SLC2A13: variants seen among roughly 807,000 people sequenced by gnomAD.
SLC2A13 encodes proton myo-inositol cotransporter.
A neutral mutation model predicts 64.4 loss-of-function variants in SLC2A13; 32 were observed. That is an observed-to-expected ratio of 0.50 (90% CI 0.37 to 0.67). The LOEUF (loss-of-function observed/expected upper bound fraction) is 0.67, where lower values mean the gene tolerates loss of function less well. SLC2A13 is among the 30% of genes least tolerant of loss of function. The pLI is 0.00. For missense variants in SLC2A13, 743 were observed against 829.2 expected (o/e 0.90, Z 1.28); for synonymous variants, 338 against 327.1 (o/e 1.03, Z -0.36).
At chr12:40,036,629 CTA>C (rs1947989781) in intron 2 of SLC2A13, among the ~76,000 whole-genome samples, 1 of 152,190 alleles carries the variant, frequency 6.6e-6, no homozygotes, top group African/African-American at 2.4e-5. Flanking sequence ...GTTGTTCCTT[CTA>C]TGTCACTGAT....
intron 3 of SLC2A13, among the ~76,000 whole-genome samples, chr12:39,980,485 C>G (rs1233838401): frequency 1.3e-5 from 2 of 151,246 alleles, no homozygotes; most frequent in Non-Finnish European, 2.9e-5. Context: ...GAAGATCTAC[C>G]AAGCAAATGG....
chr12:39,996,516 C>T (rs928406638), intron 3 of SLC2A13, among the ~76,000 whole-genome samples: 1 of 152,212 alleles, frequency 6.6e-6, no homozygotes, highest in African/African-American at 2.4e-5. Flanking sequence ...CAGAGCATGT[C>T]AGAGGTCTTC....
At chr12:39,772,744 C>T (rs959512183) in intron 7 of SLC2A13, among the ~76,000 whole-genome samples, 40 of 152,100 alleles carry the variant, frequency 2.6e-4, no homozygotes, top group Admixed American at 7.9e-4. Flanking sequence ...ATCACAGTTC[C>T]TAGGGTGATC....
intron 3 of SLC2A13, among the ~76,000 whole-genome samples, chr12:40,003,919 G>C (rs1472840545): frequency 6.6e-6 from 1 of 151,826 alleles, no homozygotes; most frequent in Non-Finnish European, 1.5e-5. Context: ...CTAGAACCCA[G>C]GAGGCAGAGG....
At chr12:40,040,095 A>T (rs1187379118) in intron 2 of SLC2A13, among the ~76,000 whole-genome samples, 1 of 152,202 alleles carries the variant, frequency 6.6e-6, no homozygotes, top group African/African-American at 2.4e-5. Flanking sequence ...AGGTGAGAGC[A>T]ATTTTTATTG....
At chr12:39,962,290 C>A (rs1386524854) in intron 3 of SLC2A13, among the ~76,000 whole-genome samples, 1 of 152,182 alleles carries the variant, frequency 6.6e-6, no homozygotes, top group East Asian at 1.9e-4. Flanking sequence ...AGGGTTTCAC[C>A]ATGTTGGCCA....
intron 7 of SLC2A13, among the ~76,000 whole-genome samples, chr12:39,813,289 C>A (rs539066938): frequency 2.0e-5 from 3 of 152,020 alleles, no homozygotes; most frequent in African/African-American, 7.2e-5. Context: ...TTTATTTTGA[C>A]ATACATCAAA....
chr12:39,920,253 A>G (rs1185594505), intron 4 of SLC2A13, among the ~76,000 whole-genome samples: 3 of 152,128 alleles, frequency 2.0e-5, no homozygotes, highest in Non-Finnish European at 1.5e-5. Context: ...TACCCTAAAT[A>G]TATGTGTGTA....
intron 5 of SLC2A13, among the ~76,000 whole-genome samples, chr12:39,870,903 G>A (rs1253644724): frequency 6.6e-6 from 1 of 152,154 alleles, no homozygotes; most frequent in African/African-American, 2.4e-5. Flanking sequence ...TGGGATGAGT[G>A]ACTGAAACAG....
At chr12:39,777,730 C>T (rs892116616) in intron 7 of SLC2A13, among the ~76,000 whole-genome samples, 56 of 152,328 alleles carry the variant, frequency 3.7e-4, no homozygotes, top group African/African-American at 1.3e-3. Flanking sequence ...CAACAGGCAT[C>T]GGCATGCCAG....
chr12:39,782,509 T>C (rs1941028515), intron 7 of SLC2A13, among the ~76,000 whole-genome samples: 1 of 152,126 alleles, frequency 6.6e-6, no homozygotes, highest in Admixed American at 6.6e-5. Context: ...TCCCCAGCCA[T>C]GTGGAACTGT....
chr12:39,945,635 A>T (rs12424585), intron 4 of SLC2A13, among the ~76,000 whole-genome samples: 20,192 of 151,904 alleles, frequency 0.13, 1,407 homozygotes, highest in South Asian at 0.24. Flanking sequence ...TACTTGTTCA[A>T]TTCTGTTTCT....
intron 4 of SLC2A13, among the ~76,000 whole-genome samples, chr12:39,904,118 C>A (rs10747946): frequency 0.99 from 150,382 of 152,208 alleles, 74,319 homozygotes; most frequent in Middle Eastern, 1. Flanking sequence ...GAAGCCAAGC[C>A]CAAGCTTCCA....
intron 3 of SLC2A13, among the ~76,000 whole-genome samples, chr12:39,985,614 A>G (rs1295205715): frequency 1.3e-5 from 2 of 152,172 alleles, no homozygotes; most frequent in African/African-American, 2.4e-5. Context: ...CTTTTAGGAA[A>G]GCATAAAACA....
intron 7 of SLC2A13, among the ~76,000 whole-genome samples, chr12:39,781,837 G>A (rs1192712484): frequency 2.6e-5 from 4 of 152,262 alleles, no homozygotes; most frequent in South Asian, 2.1e-4. Flanking sequence ...GCTCATATAC[G>A]GCCCTCACAT....
intron 1 of SLC2A13, among the ~76,000 whole-genome samples, chr12:40,054,625 A>G (rs1221558689): frequency 6.6e-6 from 1 of 152,222 alleles, no homozygotes; most frequent in Non-Finnish European, 1.5e-5. Flanking sequence ...AGAAAACTGC[A>G]TCTCAGACAC....
intron 1 of SLC2A13, among the ~76,000 whole-genome samples, chr12:40,073,812 T>C (rs1414631547): frequency 1.3e-5 from 2 of 151,922 alleles, no homozygotes; most frequent in East Asian, 1.9e-4. Context: ...TATTTCAGGA[T>C]TTTTACCTTT....
chr12:40,048,323 T>G, intron 1 of SLC2A13, 113 bp from the exon 2 acceptor site: 1 of 1,025,602 alleles, frequency 9.8e-7, no homozygotes, highest in Non-Finnish European at 1.3e-6. Context: ...GTTTTCTACT[T>G]TAAGCAAAGG....
intron 3 of SLC2A13, among the ~76,000 whole-genome samples, chr12:40,017,803 C>T (rs368411530): frequency 2.6e-5 from 4 of 152,060 alleles, no homozygotes; most frequent in South Asian, 4.1e-4. Flanking sequence ...TCATAAAAGT[C>T]TGTTGCTGCA....
Sources: allele counts gnomAD v4.1 joint callset (sites outside exome capture counted in the v4.1 genomes callset), GRCh38; gene constraint gnomAD v4.1.1; transcripts MANE v1.5; gene names NCBI Gene and HGNC (gene_info 2026-07-23, HGNC 2026-07-21).